DNAH6: variants seen among roughly 807,000 people sequenced by gnomAD.
DNAH6 encodes axonemal beta dynein heavy chain 6.
In DNAH6, 340 loss-of-function variants were observed where a neutral mutation model predicts 491.4. The observed-to-expected ratio is 0.69, with a 90% CI of 0.63 to 0.76. The LOEUF is 0.76. Among genes scored for constraint, DNAH6 ranks in the 30% least tolerant of loss-of-function variants. The probability of loss-of-function intolerance (pLI) is 0.00; values close to 1 mark genes in which losing one functional copy is unlikely to be tolerated. For missense variants in DNAH6, 4,443 were observed against 4,972.2 expected (o/e 0.89, Z 3.20); for synonymous variants, 1,603 against 1,686.1 (o/e 0.95, Z 1.21).
chr2:84,812,988 T>C, intron 73 of DNAH6, 70 bp from the exon 74 acceptor site: 1 of 1,328,014 alleles, frequency 7.5e-7, no homozygotes, highest in Non-Finnish European at 1.1e-6. Context: ...TCTCCCCAAA[T>C]AGGACTTTGC....
intron 63 of DNAH6, among the ~76,000 whole-genome samples, chr2:84,746,381 A>C (rs1672983104): frequency 6.6e-6 from 1 of 152,202 alleles, no homozygotes; most frequent in South Asian, 2.1e-4. Context: ...GAGGGTCAGG[A>C]AAAGCTCTAG....
At chr2:84,696,049 GA>G (rs1374897036) in intron 46 of DNAH6, among the ~76,000 whole-genome samples, 1 of 151,842 alleles carries the variant, frequency 6.6e-6, no homozygotes, top group Non-Finnish European at 1.5e-5. Context: ...GAAATTGAGA[GA>G]AACAAGATGT....
At chr2:84,511,270 T>C in the DNAH6 span, among the ~76,000 whole-genome samples, 1 of 152,204 alleles carries the variant, frequency 6.6e-6, no homozygotes, top group Non-Finnish European at 1.5e-5. Context: ...GCTTCGGCAA[T>C]GGCGGGCGCC....
At chr2:84,529,689 G>T (rs1676973152) in intron 4 of DNAH6, among the ~76,000 whole-genome samples, 2 of 152,180 alleles carry the variant, frequency 1.3e-5, no homozygotes, top group Non-Finnish European at 2.9e-5. Context: ...TCTGCAAGTT[G>T]CTTTGAAGTT....
chr2:84,472,055 T>C, the DNAH6 span, among the ~76,000 whole-genome samples: 3 of 152,308 alleles, frequency 2.0e-5, no homozygotes, highest in East Asian at 5.8e-4. Flanking sequence ...CTCCACCATA[T>C]ATCTTGTCCA....
chr2:84,605,942 T>A (rs4146946), intron 20 of DNAH6, among the ~76,000 whole-genome samples: 131,000 of 152,070 alleles, frequency 0.86, 57,226 homozygotes, highest in East Asian at 0.99. Flanking sequence ...TTTGAAAGAC[T>A]TAGAAAAAAA....
chr2:84,697,178 A>C (rs987694317), intron 46 of DNAH6, among the ~76,000 whole-genome samples: 1 of 152,212 alleles, frequency 6.6e-6, no homozygotes, highest in Admixed American at 6.5e-5. Flanking sequence ...TTATAATGTA[A>C]ACAAGACTGT....
intron 22 of DNAH6, among the ~76,000 whole-genome samples, chr2:84,613,234 T>C (rs1200492571): frequency 6.6e-6 from 1 of 151,930 alleles, no homozygotes; most frequent in Non-Finnish European, 1.5e-5. Context: ...GAATGAGTCA[T>C]GTATGTGATC....
At chr2:84,541,644 A>G (rs1678255381) in intron 4 of DNAH6, among the ~76,000 whole-genome samples, 1 of 152,228 alleles carries the variant, frequency 6.6e-6, no homozygotes, top group Non-Finnish European at 1.5e-5. Flanking sequence ...AACTAGGGAG[A>G]GTTAGAGAAA....
At chr2:84,798,255 C>G (rs1678529333) in intron 70 of DNAH6, among the ~76,000 whole-genome samples, 1 of 152,136 alleles carries the variant, frequency 6.6e-6, no homozygotes, top group African/African-American at 2.4e-5. Flanking sequence ...TGACCTAGGC[C>G]TGCTCAGAGT....
intron 9 of DNAH6, among the ~76,000 whole-genome samples, chr2:84,550,841 T>G (rs1254874000): frequency 6.6e-6 from 1 of 151,984 alleles, no homozygotes; most frequent in East Asian, 1.9e-4. Flanking sequence ...AGATAAACAA[T>G]AGTTTAGAGG....
chr2:84,489,552 A>G, the DNAH6 span, among the ~76,000 whole-genome samples: 1 of 152,132 alleles, frequency 6.6e-6, no homozygotes, highest in Admixed American at 6.6e-5. Context: ...ACAGGTTTCT[A>G]CAAATGTATT....
intron 37 of DNAH6, among the ~76,000 whole-genome samples, chr2:84,659,673 G>A (rs1691307626): frequency 6.6e-6 from 1 of 152,146 alleles, no homozygotes; most frequent in South Asian, 2.1e-4. Flanking sequence ...TATTCAAAAT[G>A]TTAACATACA....
the DNAH6 span, among the ~76,000 whole-genome samples, chr2:84,461,954 A>T: frequency 6.6e-6 from 1 of 152,218 alleles, no homozygotes; most frequent in Non-Finnish European, 1.5e-5. Flanking sequence ...AAAGACTAGA[A>T]TTCACTGTAT....
intron 38 of DNAH6, 102 bp from the exon 39 acceptor site, chr2:84,670,226 C>G: frequency 2.6e-6 from 2 of 775,174 alleles, no homozygotes; most frequent in South Asian, 4.2e-5. Flanking sequence ...GCTTTAACCT[C>G]TCTCTTTTTA....
At chr2:84,539,912 T>C (rs185066793) in intron 4 of DNAH6, among the ~76,000 whole-genome samples, 3 of 152,320 alleles carry the variant, frequency 2.0e-5, no homozygotes, top group Non-Finnish European at 4.4e-5. Flanking sequence ...TAGTCTCATA[T>C]TGAGTCATGG....
chr2:84,542,163 C>T (rs957716100), intron 4 of DNAH6, among the ~76,000 whole-genome samples: 2 of 152,154 alleles, frequency 1.3e-5, no homozygotes, highest in Non-Finnish European at 2.9e-5. Context: ...CCATCAGTAG[C>T]AGATAGATCA....
chr2:84,739,188 G>A (rs1461657453), intron 62 of DNAH6, among the ~76,000 whole-genome samples: 2 of 152,140 alleles, frequency 1.3e-5, no homozygotes, highest in South Asian at 2.1e-4. Flanking sequence ...TGTAAGGTTT[G>A]TGCTGAAAAG....
the DNAH6 span, among the ~76,000 whole-genome samples, chr2:84,460,819 A>C: frequency 6.6e-6 from 1 of 152,222 alleles, no homozygotes; most frequent in Non-Finnish European, 1.5e-5. Flanking sequence ...TTCAGTGCTG[A>C]CTGAGTGGTT....
Sources: allele counts gnomAD v4.1 joint callset (sites outside exome capture counted in the v4.1 genomes callset), GRCh38; gene constraint gnomAD v4.1.1; transcripts MANE v1.5; gene names NCBI Gene and HGNC (gene_info 2026-07-23, HGNC 2026-07-21).